Variants in MACC1 observed in about 807,000 individuals in gnomAD.
MACC1 encodes the protein metastasis-associated in colon cancer protein 1.
In MACC1, 79 loss-of-function variants were observed where a neutral mutation model predicts 70.7. The observed-to-expected ratio is 1.12, with a 90% CI of 0.93 to 1.35. MACC1 has a LOEUF of 1.35. MACC1 is among the 40% of genes most tolerant of loss of function. The probability of loss-of-function intolerance (pLI) is 0.00; values close to 1 mark genes in which losing one functional copy is unlikely to be tolerated. For synonymous variants in MACC1, 361 were observed against 347.2 expected (o/e 1.04, Z -0.44); for missense variants, 1,106 against 978.1 (o/e 1.13, Z -1.74).
intron 1 of MACC1, among the ~76,000 whole-genome samples, chr7:20,175,493 G>T (rs530346715): frequency 6.6e-6 from 1 of 152,102 alleles, no homozygotes; most frequent in East Asian, 1.9e-4. Flanking sequence ...AAAGATATCT[G>T]CATCTAATAT....
chr7:20,149,977 T>A (rs1781951087), intron 6 of MACC1, among the ~76,000 whole-genome samples: 1 of 152,194 alleles, frequency 6.6e-6, no homozygotes, highest in Non-Finnish European at 1.5e-5. Context: ...TACATTCACC[T>A]TCAGTTTGTA....
chr7:20,165,980 G>C (rs1782211859), intron 2 of MACC1, among the ~76,000 whole-genome samples: 1 of 152,126 alleles, frequency 6.6e-6, no homozygotes, highest in Non-Finnish European at 1.5e-5. Flanking sequence ...GTGAGGATAA[G>C]GGGTGGGGAG....
At chr7:20,167,354 C>T (rs145240463) in intron 2 of MACC1, among the ~76,000 whole-genome samples, 2,009 of 151,832 alleles carry the variant, frequency 0.013, 42 homozygotes, top group African/African-American at 0.046. Flanking sequence ...TGCCACCACG[C>T]CCAGCTAATT....
intron 2 of MACC1, among the ~76,000 whole-genome samples, chr7:20,167,034 G>A (rs1782230933): frequency 6.6e-6 from 1 of 151,898 alleles, no homozygotes; most frequent in Non-Finnish European, 1.5e-5. Context: ...GAATATCTTG[G>A]GCCTGTAAAA....
At chr7:20,157,452 A>C (rs1782070595) in intron 5 of MACC1, among the ~76,000 whole-genome samples, 1 of 151,982 alleles carries the variant, frequency 6.6e-6, no homozygotes, top group African/African-American at 2.4e-5. Context: ...TGTATACATA[A>C]GAATATTAAA....
chr7:20,206,549 G>A (rs930928994), intron 1 of MACC1, among the ~76,000 whole-genome samples: 10 of 152,090 alleles, frequency 6.6e-5, no homozygotes, highest in Non-Finnish European at 1.2e-4. Context: ...TTACATCAGA[G>A]AGCAGCACCC....
At chr7:20,162,345 T>C (rs1782150859) in intron 3 of MACC1, among the ~76,000 whole-genome samples, 1 of 152,166 alleles carries the variant, frequency 6.6e-6, no homozygotes, top group Admixed American at 6.5e-5. Flanking sequence ...ATTTTATTTA[T>C]TTCTCAATGG....
chr7:20,177,884 T>G (rs781452250), intron 1 of MACC1, among the ~76,000 whole-genome samples: 1 of 152,158 alleles, frequency 6.6e-6, no homozygotes, highest in Admixed American at 6.5e-5. Flanking sequence ...TTTTAAACAA[T>G]TCACACTGAC....
chr7:20,156,752 G>A (rs1009656380), intron 5 of MACC1, among the ~76,000 whole-genome samples: 1 of 152,180 alleles, frequency 6.6e-6, no homozygotes, highest in Non-Finnish European at 1.5e-5. Context: ...AATATTGAAA[G>A]AGAGATAATG....
chr7:20,173,949 G>C (rs1361725007), intron 1 of MACC1, among the ~76,000 whole-genome samples: 1 of 152,126 alleles, frequency 6.6e-6, no homozygotes, highest in Admixed American at 6.5e-5. Context: ...TGGGTATATA[G>C]ATTCAGATTT....
intron 4 of MACC1, among the ~76,000 whole-genome samples, chr7:20,161,303 T>C (rs190452455): frequency 1.4e-4 from 22 of 152,230 alleles, no homozygotes; most frequent in African/African-American, 5.3e-4. Flanking sequence ...GAAATGTTTT[T>C]AAGTGTTATA....
At chr7:20,186,152 C>T (rs1408264563) in intron 1 of MACC1, among the ~76,000 whole-genome samples, 1 of 152,212 alleles carries the variant, frequency 6.6e-6, no homozygotes, top group Non-Finnish European at 1.5e-5. Context: ...CTTGGCTGCA[C>T]AAGTTGTTTT....
intron 5 of MACC1, among the ~76,000 whole-genome samples, chr7:20,155,807 C>T (rs565533503): frequency 1.3e-5 from 2 of 152,204 alleles, no homozygotes; most frequent in Non-Finnish European, 2.9e-5. Flanking sequence ...ACTGAGCTAG[C>T]GGGCCCCTGA....
At chr7:20,171,408 C>T (rs370068823) in intron 1 of MACC1, among the ~76,000 whole-genome samples, 6 of 151,730 alleles carry the variant, frequency 4.0e-5, no homozygotes, top group Non-Finnish European at 5.9e-5. Flanking sequence ...CCCGCCACCA[C>T]GCCCAGCTAA....
intron 5 of MACC1, among the ~76,000 whole-genome samples, chr7:20,155,040 A>C (rs1189829528): frequency 6.6e-6 from 1 of 152,134 alleles, no homozygotes; most frequent in Non-Finnish European, 1.5e-5. Context: ...CAAGGTATTA[A>C]AGACAAAACA....
At chr7:20,197,760 C>A (rs1782776946) in intron 1 of MACC1, among the ~76,000 whole-genome samples, 1 of 152,196 alleles carries the variant, frequency 6.6e-6, no homozygotes, top group Non-Finnish European at 1.5e-5. Context: ...ATTTCAAAGT[C>A]ATGATTTATA....
At position 20,140,309 on chromosome 7, in the gene MACC1, A is replaced by C. The variant is rs1469953297; in HGVS notation, c.*637T>G. On this transcript the variant is annotated 3_prime_UTR_variant, in exon 7 of 7. Transcript: ENST00000400331. ...AATAGAAACAGGTTTTTCAAGCAGA[A>C]AACCTACTTTGTACTGGCTATGTAG... The C allele has an allele frequency of 1.3e-5, 2 of 152,226 alleles. No individual in the cohort carries two copies. Among genetic ancestry groups the C allele is most frequent in the African/African-American group, 2.4e-5 (1 of 41,452 alleles). 9.4% of individuals were successfully genotyped at this position (152,226 alleles called of 1,614,324 possible).
intron 1 of MACC1, among the ~76,000 whole-genome samples, chr7:20,185,380 A>G (rs920432196): frequency 6.6e-6 from 1 of 152,194 alleles, no homozygotes; most frequent in Admixed American, 6.5e-5. Context: ...ACTGAATGAA[A>G]TTGACATGTA....
At chr7:20,214,174 C>T (rs1459157955) in intron 1 of MACC1, among the ~76,000 whole-genome samples, 1 of 152,092 alleles carries the variant, frequency 6.6e-6, no homozygotes, top group African/African-American at 2.4e-5. Flanking sequence ...ACAGTTGGCT[C>T]CTGGTCAGAA....
Sources: gnomAD v4.1 joint callset for allele counts (sites outside exome capture counted in the v4.1 genomes callset) on GRCh38, gnomAD v4.1.1 for gene constraint, MANE v1.5 for transcripts, NCBI Gene and HGNC (gene_info 2026-07-23, HGNC 2026-07-21) for gene names.